The following PRRC2C variants were observed in gnomAD, a reference collection of about 807,000 sequenced individuals.
PRRC2C encodes proline rich coiled-coil 2C, also known as protein PRRC2C.
Under a neutral mutation model 317.2 loss-of-function variants are expected in PRRC2C, and 72 were observed. The ratio of observed to expected loss-of-function variants is 0.23; its 90% CI spans 0.19 to 0.28. PRRC2C has a LOEUF of 0.28. Among genes scored for constraint, PRRC2C ranks in the 10% least tolerant of loss-of-function variants. The pLI is 1.00. For missense variants in PRRC2C, 3,074 were observed against 3,459.7 expected (o/e 0.89, Z 2.80); for synonymous variants, 1,296 against 1,205.9 (o/e 1.07, Z -1.55).
chr1:171,526,033 G>A lies in PRRC2C; in HGVS notation c.1200+1068G>A, dbSNP rs149303640. Among the ~76,000 whole-genome samples, 967 of 152,162 alleles carry A rather than the reference G, an allele frequency of 6.4e-3. 10 individuals carry two copies. The highest frequency in any genetic ancestry group is 0.018 in the African/African-American group (752 of 41,518). ...TAACATTTTAATAACTTTTTTGTGT[G>A]ACTTTTTACTTATTGGCATAATGGG... On this transcript the variant is annotated intron_variant, in intron 10 of 34. Transcript: ENST00000647382.
At chr1:171,554,819 G>C (rs1681027815) in intron 18 of PRRC2C, among the ~76,000 whole-genome samples, 1 of 152,192 alleles carries the variant, frequency 6.6e-6, no homozygotes, top group Non-Finnish European at 1.5e-5. Context: ...TAGAGTTTCT[G>C]CCGAGAGATC....
chr1:171,504,089 GCTTA>G (rs1484068024), intron 1 of PRRC2C, among the ~76,000 whole-genome samples: 2 of 152,046 alleles, frequency 1.3e-5, no homozygotes, highest in African/African-American at 4.8e-5. Context: ...ATCTTCATAT[GCTTA>G]CTTACCATTT....
intron 12 of PRRC2C, among the ~76,000 whole-genome samples, chr1:171,534,064 A>G (rs1676363486): frequency 6.6e-6 from 1 of 152,222 alleles, no homozygotes; most frequent in Admixed American, 6.5e-5. Flanking sequence ...TTAAAATAAT[A>G]AGAATGTGTT....
chr1:171,525,631 G>C (rs1204488072), intron 10 of PRRC2C, among the ~76,000 whole-genome samples: 1 of 152,168 alleles, frequency 6.6e-6, no homozygotes, highest in African/African-American at 2.4e-5. Context: ...CAGTTTCCTT[G>C]ACAGGAAAAA....
chr1:171,554,973 G>A (rs1681068710), intron 18 of PRRC2C, among the ~76,000 whole-genome samples: 2 of 152,114 alleles, frequency 1.3e-5, no homozygotes, highest in South Asian at 4.1e-4. Flanking sequence ...TATCTTTGTG[G>A]TGTTCTCCGT....
In PRRC2C at chr1:171,513,141, G is replaced by A. The variant is rs901423141; in HGVS notation, c.259G>A (p.Ala87Thr). 6.8e-6 allele frequency: 11 copies of A among 1,612,466 alleles called. No homozygotes were observed. Among genetic ancestry groups the A allele is most frequent in the Non-Finnish European group, 9.3e-6 (11 of 1,179,370 alleles). Residue 87 changes from alanine to threonine, a missense_variant, in exon 3 of 35, where the codon GCA becomes ACA. Coordinates refer to ENST00000647382, the MANE Select transcript of PRRC2C (RefSeq NM_001387844.1). The part of the protein sequence containing the change: ...NIVPKDGTGW[A>T]SKQEQHEEEK... The stretch of plus-strand genomic sequence containing the variant: ...TGTACCTAAAGATGGCACAGGGTGG[G>A]CATCAAAACAAGAGCAACATGAAGA...
intron 1 of PRRC2C, among the ~76,000 whole-genome samples, chr1:171,494,807 C>A (rs1667826067): frequency 6.7e-6 from 1 of 148,796 alleles, no homozygotes; most frequent in African/African-American, 2.4e-5. Flanking sequence ...AAACAGATTT[C>A]TCTTTGTAAG....
At position 171,524,958 on chromosome 1, in the gene PRRC2C, T is replaced by G; in HGVS notation, c.1193T>G (p.Phe398Cys). 3 of 1,603,624 alleles carry G rather than the reference T, an allele frequency of 1.9e-6. No homozygotes were observed. Among genetic ancestry groups the G allele is most frequent in the Non-Finnish European group, 2.6e-6 (3 of 1,174,618 alleles). ...AKVPYGKGPSFNQERGTSSHL... is the reference protein window; with the variant it reads ...AKVPYGKGPSCNQERGTSSHL... ...GTTCCCTATGGGAAAGGACCTTCAT[T>G]TAATCAGGTTTGTTGGACTCATGGA... The change falls in exon 10 of 35, where the codon TTT (phenylalanine) becomes TGT (cysteine). Residue 398 changes from phenylalanine to cysteine, a missense_variant. Coordinates refer to ENST00000647382, the MANE Select transcript of PRRC2C (RefSeq NM_001387844.1).
intron 1 of PRRC2C, among the ~76,000 whole-genome samples, chr1:171,498,193 C>T (rs1462957347): frequency 6.6e-6 from 1 of 152,078 alleles, no homozygotes; most frequent in Non-Finnish European, 1.5e-5. Flanking sequence ...CCTTTCTGCT[C>T]TCCTCCTCAT....
chr1:171,515,811 G>A lies in PRRC2C; in HGVS notation c.478G>A (p.Glu160Lys). 4.3e-6 allele frequency: 7 copies of A among 1,612,312 alleles called. No individual in the cohort carries two copies. The highest frequency in any genetic ancestry group is 5.9e-6 in the Non-Finnish European group (7 of 1,178,990). The stretch of plus-strand genomic sequence containing the variant: ...TGGGGATCAGGAAAAAAAAGAAAAG[G>A]AAACAAATGATGACAACTATGGACC... ...AAGDQEKKEK[E>K]TNDDNYGPGP... The change falls in exon 5 of 35, where the codon GAA (glutamate) becomes AAA (lysine). Residue 160 changes from glutamate to lysine, a missense_variant. By Grantham distance (56) the Glu-to-Lys change is moderately conservative. Transcript: ENST00000647382.
chr1:171,523,394 T>G, intron 8 of PRRC2C, 40 bp downstream of exon 8: 1 of 1,613,854 alleles, frequency 6.2e-7, no homozygotes, highest in Non-Finnish European at 8.5e-7. Context: ...AATTGTTAGA[T>G]GCTTTCAAGC....
In PRRC2C at chr1:171,588,120, G is replaced by A. The variant is rs929913787; in HGVS notation, c.8073-259G>A. Among the ~76,000 whole-genome samples, 7 of 151,858 alleles carry A rather than the reference G, an allele frequency of 4.6e-5. No individual in the cohort carries two copies. The East Asian group carries it at 9.7e-4, about 21-fold the overall frequency. On this transcript the variant is annotated intron_variant, in intron 32 of 34. Coordinates refer to ENST00000647382, the MANE Select transcript of PRRC2C (RefSeq NM_001387844.1). ...CCTGAGTAGCTGGGACTACATACACGTGCCACCACACCTGGCTAATTTTTA... is the reference window on the plus strand; with the variant it reads ...CCTGAGTAGCTGGGACTACATACACATGCCACCACACCTGGCTAATTTTTA...
chr1:171,576,623 AT>A (rs1475878835), intron 25 of PRRC2C, among the ~76,000 whole-genome samples: 1 of 152,108 alleles, frequency 6.6e-6, no homozygotes, highest in African/African-American at 2.4e-5. Flanking sequence ...TTTTAAAGGT[AT>A]TACTATATAC....
At position 171,515,940 on chromosome 1, in the gene PRRC2C, A is replaced by G. The variant is rs369587971; in HGVS notation, c.526+81A>G. On this transcript the variant is annotated intron_variant, in intron 5 of 34. Transcript: ENST00000647382. ...AATACAACCTCCTGCTTGCTGTTGC[A>G]TATATTATTTGCCTACTTCGAAAAG... is the stretch of plus-strand genomic sequence containing the variant. 221 of 1,429,298 alleles carry G rather than the reference A, an allele frequency of 1.5e-4. 5 individuals are homozygous for G. In the South Asian group the frequency reaches 3.2e-3, roughly 21 times the overall value. The allele number at this position is 1,429,298 out of a possible 1,614,324, so 88.5% of individuals were successfully genotyped here.
At chr1:171,543,322 C>CA (rs1214982713) in intron 16 of PRRC2C, among the ~76,000 whole-genome samples, 1,247 of 62,702 alleles carry the variant, frequency 0.02, 14 homozygotes, top group Middle Eastern at 0.051. Flanking sequence ...GACTCCGTCT[C>CA]AAAAAAAAAA....
chr1:171,530,951 A>T (rs919530172), intron 11 of PRRC2C, among the ~76,000 whole-genome samples: 1 of 152,214 alleles, frequency 6.6e-6, no homozygotes, highest in Non-Finnish European at 1.5e-5. Flanking sequence ...ATGAATGTTC[A>T]TAGCTGTTTT....
intron 1 of PRRC2C, among the ~76,000 whole-genome samples, chr1:171,509,107 G>T (rs575580176): frequency 4.6e-4 from 70 of 152,086 alleles, no homozygotes; most frequent in African/African-American, 1.5e-3. Flanking sequence ...GGATGGTCTC[G>T]ATCTCCTGAC....
chr1:171,562,072 A>G (rs754294193), intron 20 of PRRC2C, among the ~76,000 whole-genome samples: 1 of 152,360 alleles, frequency 6.6e-6, no homozygotes, highest in Non-Finnish European at 1.5e-5. Flanking sequence ...GAATTTTCCA[A>G]GGTTCACAAA....
chr1:171,555,905 C>T (rs769334197), intron 18 of PRRC2C, among the ~76,000 whole-genome samples: 4 of 152,210 alleles, frequency 2.6e-5, no homozygotes, highest in Non-Finnish European at 4.4e-5. Context: ...CAGTCTGTCT[C>T]TTCTCAGAGC....
Sources: gnomAD v4.1 joint callset for allele counts (sites outside exome capture counted in the v4.1 genomes callset) on GRCh38, gnomAD v4.1.1 for gene constraint, MANE v1.5 for transcripts, NCBI Gene and HGNC (gene_info 2026-07-23, HGNC 2026-07-21) for gene names.